Variants in NDST4 observed in about 807,000 individuals in gnomAD.
NDST4 encodes the protein N-heparan sulfate sulfotransferase 4.
Under a neutral mutation model 100.8 loss-of-function variants are expected in NDST4, and 63 were observed. The ratio of observed to expected loss-of-function variants is 0.62; its 90% CI spans 0.51 to 0.77. The LOEUF is 0.77. Ranked by LOEUF, NDST4 falls within the 30% of genes least tolerant of loss-of-function variation. The probability of loss-of-function intolerance (pLI) is 0.00; values close to 1 mark genes in which losing one functional copy is unlikely to be tolerated. For synonymous variants in NDST4, 377 were observed against 361.8 expected (o/e 1.04, Z -0.48); for missense variants, 943 against 1,018.4 (o/e 0.93, Z 1.01).
At chr4:115,094,141 G>T (rs1407673941) in intron 1 of NDST4, among the ~76,000 whole-genome samples, 2 of 151,966 alleles carry the variant, frequency 1.3e-5, no homozygotes, top group Non-Finnish European at 2.9e-5. Flanking sequence ...TATTAATGAA[G>T]TTATTAAATA....
At chr4:115,004,711 T>C (rs1407554825) in intron 2 of NDST4, among the ~76,000 whole-genome samples, 1 of 152,216 alleles carries the variant, frequency 6.6e-6, no homozygotes, top group Non-Finnish European at 1.5e-5. Flanking sequence ...ACAGGTGTAT[T>C]AGTCCAGTGA....
intron 11 of NDST4, among the ~76,000 whole-genome samples, chr4:114,834,006 A>G (rs1723257484): frequency 1.3e-5 from 2 of 152,336 alleles, no homozygotes; most frequent in South Asian, 4.1e-4. Flanking sequence ...TTCAGTAGAA[A>G]CATAATTTTC....
At chr4:114,903,056 T>G (rs918828979) in intron 6 of NDST4, among the ~76,000 whole-genome samples, 10 of 152,126 alleles carry the variant, frequency 6.6e-5, no homozygotes, top group Non-Finnish European at 1.3e-4. Context: ...GTTCTGAAAT[T>G]TCCACATCCC....
Position 115,013,118 on chromosome 4 carries a change from G to T in NDST4, c.979-35844C>A, listed in dbSNP as rs1472739631. On this transcript the variant is annotated intron_variant, in intron 2 of 13. Transcript: ENST00000264363. ...TGCTTAATATATGAAGATATAGTTA[G>T]AGAGAATGAATAAGATCTAGTATTT... Among the ~76,000 whole-genome samples the T allele has an allele frequency of 2.6e-5, 4 of 151,424 alleles. 1 individual carries two copies. The East Asian group carries it at 7.8e-4, about 30-fold the overall frequency.
chr4:115,018,097 T>C (rs955810498), intron 2 of NDST4, among the ~76,000 whole-genome samples: 3 of 152,008 alleles, frequency 2.0e-5, no homozygotes, highest in Admixed American at 6.6e-5. Context: ...TGTTGAAGCA[T>C]GCATGTACCA....
intron 6 of NDST4, among the ~76,000 whole-genome samples, chr4:114,910,855 C>A (rs1300662741): frequency 6.6e-6 from 1 of 152,146 alleles, no homozygotes; most frequent in Non-Finnish European, 1.5e-5. Flanking sequence ...TCATTGACTC[C>A]TTTTTCTTTT....
intron 1 of NDST4, among the ~76,000 whole-genome samples, chr4:115,087,452 C>A (rs1049092361): frequency 2.0e-5 from 3 of 151,926 alleles, no homozygotes; most frequent in Non-Finnish European, 4.4e-5. Context: ...TTGTTTTAAT[C>A]TGTTCTCTGT....
At chr4:115,083,700 G>C (rs568912864) in intron 1 of NDST4, among the ~76,000 whole-genome samples, 4 of 152,094 alleles carry the variant, frequency 2.6e-5, no homozygotes, top group African/African-American at 7.2e-5. Flanking sequence ...TCTCCATGCT[G>C]TTCTTGTGAT....
chr4:115,072,475 A>G (rs1199792078), intron 2 of NDST4, among the ~76,000 whole-genome samples: 1 of 152,098 alleles, frequency 6.6e-6, no homozygotes, highest in Non-Finnish European at 1.5e-5. Context: ...GCATGATACT[A>G]GCATAAAAAC....
At chr4:114,989,167 G>A (rs1407884160) in intron 2 of NDST4, among the ~76,000 whole-genome samples, 1 of 152,158 alleles carries the variant, frequency 6.6e-6, no homozygotes, top group East Asian at 1.9e-4. Flanking sequence ...TAGATGAAGG[G>A]AAGCTAGTGA....
chr4:114,953,011 A>ATTTTTTTTCTTT (rs371302871), intron 4 of NDST4, among the ~76,000 whole-genome samples: 1 of 140,764 alleles, frequency 7.1e-6, no homozygotes, highest in East Asian at 2.1e-4. Flanking sequence ...AAGTTGGCTC[A>ATTTTTTTTCTTT]TTTTTTTTCT....
At chr4:114,965,322 T>C (rs550672451) in intron 4 of NDST4, among the ~76,000 whole-genome samples, 4 of 152,076 alleles carry the variant, frequency 2.6e-5, no homozygotes, top group Non-Finnish European at 5.9e-5. Context: ...TATTTCTTTT[T>C]AATATGACAC....
chr4:114,958,058 C>T (rs995153015), intron 4 of NDST4, among the ~76,000 whole-genome samples: 2 of 152,198 alleles, frequency 1.3e-5, no homozygotes, highest in African/African-American at 4.8e-5. Context: ...GATGGTGACC[C>T]TCTTCTCACA....
At chr4:115,060,632 C>T (rs537863536) in intron 2 of NDST4, among the ~76,000 whole-genome samples, 1 of 151,754 alleles carries the variant, frequency 6.6e-6, no homozygotes, top group East Asian at 1.9e-4. Flanking sequence ...GATGGTCCAC[C>T]TTAGGTATAT....
At chr4:115,041,896 T>A (rs1026434189) in intron 2 of NDST4, among the ~76,000 whole-genome samples, 4 of 152,106 alleles carry the variant, frequency 2.6e-5, no homozygotes, top group African/African-American at 9.6e-5. Flanking sequence ...AAGAAATGAC[T>A]TCTTGTGGAA....
chr4:115,071,650 C>T (rs1009693770), intron 2 of NDST4, among the ~76,000 whole-genome samples: 1 of 151,792 alleles, frequency 6.6e-6, no homozygotes, highest in East Asian at 1.9e-4. Context: ...TTGTCGGTAG[C>T]TATGCAACAC....
chr4:115,024,240 T>C (rs1246890181), intron 2 of NDST4, among the ~76,000 whole-genome samples: 1 of 152,044 alleles, frequency 6.6e-6, no homozygotes, highest in Non-Finnish European at 1.5e-5. Context: ...GCCATGAAGG[T>C]GGGGTCACCT....
At chr4:115,102,017 C>T (rs1255631647) in intron 1 of NDST4, among the ~76,000 whole-genome samples, 2 of 152,092 alleles carry the variant, frequency 1.3e-5, no homozygotes, top group Non-Finnish European at 2.9e-5. Flanking sequence ...AGGGGAGTGA[C>T]ATGATCAACT....
chr4:115,090,410 A>G (rs566028609), intron 1 of NDST4, among the ~76,000 whole-genome samples: 8 of 151,966 alleles, frequency 5.3e-5, no homozygotes, highest in African/African-American at 9.7e-5. Context: ...GTTGTAAAAT[A>G]CTCAGCCAAA....
Sources: allele counts gnomAD v4.1 joint callset (sites outside exome capture counted in the v4.1 genomes callset), GRCh38; gene constraint gnomAD v4.1.1; transcripts MANE v1.5; gene names NCBI Gene and HGNC (gene_info 2026-07-23, HGNC 2026-07-21).